Variants in PTPRN2 observed in about 807,000 individuals in gnomAD.
PTPRN2 encodes protein tyrosine phosphatase receptor type N2.
In PTPRN2, 74 loss-of-function variants were observed where a neutral mutation model predicts 118.8. That is an observed-to-expected ratio of 0.62 (90% CI 0.52 to 0.76). PTPRN2 has a LOEUF of 0.76. Ranked by LOEUF, PTPRN2 falls within the 30% of genes least tolerant of loss-of-function variation. The pLI, the probability that PTPRN2 is intolerant of heterozygous loss-of-function variation, is 0.00. For synonymous variants in PTPRN2, 641 were observed against 608.0 expected, an observed-to-expected ratio of 1.05 and a Z score of -0.80; for missense variants, 1,481 against 1,394.4, an observed-to-expected ratio of 1.06 and a Z score of -0.99.
intron 5 of PTPRN2, among the ~76,000 whole-genome samples, chr7:158,170,561 T>G (rs1823446829): frequency 6.6e-6 from 1 of 152,228 alleles, no homozygotes. Flanking sequence ...AATATTTCAG[T>G]AGTTAGCACA....
At chr7:157,569,028 A>G (rs1445950570) in intron 20 of PTPRN2, 62 bp from the exon 21 acceptor site, 13 of 1,450,412 alleles carry the variant, frequency 9.0e-6, no homozygotes, top group Non-Finnish European at 1.3e-5. Flanking sequence ...ACCCACAACA[A>G]AGCTAGTGAC....
At chr7:157,800,050 C>T (rs997780843) in intron 12 of PTPRN2, among the ~76,000 whole-genome samples, 17 of 150,952 alleles carry the variant, frequency 1.1e-4, no homozygotes, top group South Asian at 1.1e-3. Context: ...GCACCACAGC[C>T]GGCCTCCCCC....
At chr7:158,060,385 G>T (rs565858092) in intron 11 of PTPRN2, among the ~76,000 whole-genome samples, 3 of 152,364 alleles carry the variant, frequency 2.0e-5, no homozygotes, top group Middle Eastern at 6.8e-3. Context: ...GCCATCACAG[G>T]TCTCACTGTC....
At chr7:158,343,472 C>G (rs6978493) in intron 2 of PTPRN2, among the ~76,000 whole-genome samples, 146,725 of 152,324 alleles carry the variant, frequency 0.96, 70,728 homozygotes, top group African/African-American at 0.99. Flanking sequence ...GGAACGTAAC[C>G]TGATGCAGTC....
At chr7:158,128,435 G>T (rs897321344) in intron 9 of PTPRN2, among the ~76,000 whole-genome samples, 1 of 152,072 alleles carries the variant, frequency 6.6e-6, no homozygotes, top group Admixed American at 6.5e-5. Flanking sequence ...TTAACCCACT[G>T]CTCATAGGAG....
intron 12 of PTPRN2, among the ~76,000 whole-genome samples, chr7:157,882,109 A>G (rs1031666183): frequency 5.3e-5 from 8 of 152,178 alleles, no homozygotes; most frequent in African/African-American, 1.7e-4. Flanking sequence ...ACTGTCATAC[A>G]TCAGCACATG....
chr7:158,289,493 T>C (rs1799969800), intron 3 of PTPRN2, among the ~76,000 whole-genome samples: 1 of 152,218 alleles, frequency 6.6e-6, no homozygotes, highest in African/African-American at 2.4e-5. Context: ...ACATCCAGAG[T>C]TTCTAGAATT....
At chr7:157,860,527 A>G (rs575570044) in intron 12 of PTPRN2, among the ~76,000 whole-genome samples, 1 of 152,366 alleles carries the variant, frequency 6.6e-6, no homozygotes, top group South Asian at 2.1e-4. Context: ...TTGTTCTCCT[A>G]TAGGAACGTT....
At chr7:157,819,713 T>C (rs1246924656) in intron 12 of PTPRN2, among the ~76,000 whole-genome samples, 1 of 152,064 alleles carries the variant, frequency 6.6e-6, no homozygotes, top group Admixed American at 6.5e-5. Context: ...CTGTCACGTC[T>C]CCTGGAAGGA....
intron 6 of PTPRN2, among the ~76,000 whole-genome samples, chr7:158,143,113 G>A (rs1432359940): frequency 2.0e-5 from 3 of 152,042 alleles, no homozygotes; most frequent in Admixed American, 6.6e-5. Context: ...TTATCATCGC[G>A]ACAGTCTTAT....
In PTPRN2 at chr7:158,110,904, G is replaced by T. The variant is rs773350969; in HGVS notation, c.1568C>A (p.Pro523His). The change falls in exon 10 of 23, where the codon CCC becomes CAC. Residue 523 changes from proline (P) to histidine (H), a missense_variant. Physicochemically the swap from Pro to His is moderately conservative, Grantham distance 77. This residue lies in a region of PTPRN2 where 1,115 missense variants were observed against 994.2 expected (regional missense o/e 1.12). Coordinates refer to ENST00000389418, the MANE Select transcript of PTPRN2 (RefSeq NM_002847.5). ...CTCCACCAGCCGCCTTCCTTCCTCG[G>T]GGCGCAGGGGGCTGCGGATGACAGC... ...YIVTDRDPLRPEEGRRLVEDV... is the reference protein window; with the variant it reads ...YIVTDRDPLRHEEGRRLVEDV... The T allele has an allele frequency of 3.1e-5, 49 of 1,565,024 alleles. No homozygotes were observed. The highest frequency in any genetic ancestry group is 9.2e-5 in the Admixed American group (5 of 54,234).
At chr7:158,091,642 G>T (rs1814134028) in intron 10 of PTPRN2, among the ~76,000 whole-genome samples, 1 of 149,732 alleles carries the variant, frequency 6.7e-6, no homozygotes. Context: ...GTGGGTGAGA[G>T]ATAGGTGATG....
At chr7:158,114,996 A>G (rs772964381) in intron 9 of PTPRN2, among the ~76,000 whole-genome samples, 23 of 152,118 alleles carry the variant, frequency 1.5e-4, no homozygotes, top group Non-Finnish European at 1.0e-4. Flanking sequence ...TCCCAAATAC[A>G]ATGGCGAGCT....
intron 3 of PTPRN2, among the ~76,000 whole-genome samples, chr7:158,239,730 C>A (rs933775729): frequency 2.0e-5 from 3 of 152,248 alleles, no homozygotes; most frequent in Non-Finnish European, 4.4e-5. Context: ...TATCAAGCAA[C>A]GCTGCACTTC....
chr7:158,004,427 C>T (rs1259486210), intron 11 of PTPRN2, among the ~76,000 whole-genome samples: 1 of 152,164 alleles, frequency 6.6e-6, no homozygotes, highest in Non-Finnish European at 1.5e-5. Flanking sequence ...AAAAAATTAA[C>T]CAGCATCTAT....
chr7:157,584,073 G>A (rs915498745), intron 17 of PTPRN2, among the ~76,000 whole-genome samples: 6 of 152,094 alleles, frequency 3.9e-5, no homozygotes, highest in African/African-American at 1.4e-4. Context: ...GAGGTGGGTG[G>A]GAGGATCATT....
rs1380871592 is a variant in PTPRN2, at chr7:157,813,456, G to A, written c.1788+85217C>T. On this transcript the variant is annotated intron_variant, in intron 12 of 22. Coordinates refer to ENST00000389418, the MANE Select transcript of PTPRN2 (RefSeq NM_002847.5). This position sits in a 1 kb window ranked among gnomAD's most constrained non-coding sequence, Gnocchi z 4.7. ...CCCCAAAACAGCATGTGCAGCTCTC[G>A]TTAAATGGAAAAGGCCCTAATGTCA... Among the ~76,000 whole-genome samples the A allele has an allele frequency of 3.9e-5, 6 of 152,160 alleles. No individual in the cohort carries two copies. Among genetic ancestry groups the A allele is most frequent in the African/African-American group, 1.2e-4 (5 of 41,402 alleles).
chr7:158,336,732 C>G (rs368594862), intron 2 of PTPRN2, among the ~76,000 whole-genome samples: 9,084 of 74,976 alleles, frequency 0.12, 1,917 homozygotes, highest in South Asian at 0.17. Flanking sequence ...AAAGAGCTGA[C>G]GCCCGCAGAC....
Position 158,187,013 on chromosome 7 carries a change from T to G in PTPRN2, c.549+5314A>C, listed in dbSNP as rs990017948. 2.0e-5 allele frequency among the ~76,000 whole-genome samples: 3 copies of G among 152,226 alleles called. No individual in the cohort carries two copies. The East Asian group carries it at 5.8e-4, about 29-fold the overall frequency. On this transcript the variant is annotated intron_variant, in intron 5 of 22. Transcript: ENST00000389418. ...CAGAGTGGACAGGGAATTTATGGTG[T>G]TCTGCATGATGAGTTCAAGGACTGT...
Sources: gnomAD v4.1 joint callset for allele counts (sites outside exome capture counted in the v4.1 genomes callset) on GRCh38, gnomAD v4.1.1 for gene constraint, gnomAD v4.1.1 regional missense constraint, Gnocchi (gnomAD v3.1) non-coding constraint, MANE v1.5 for transcripts, NCBI Gene and HGNC (gene_info 2026-07-23, HGNC 2026-07-21) for gene names.